RASEF: variants seen among roughly 807,000 people sequenced by gnomAD.
The protein encoded by RASEF is RAS and EF-hand domain containing.
In RASEF, 68 loss-of-function variants were observed where a neutral mutation model predicts 90.1. That is an observed-to-expected ratio of 0.75 (90% confidence interval 0.62 to 0.92). RASEF has a LOEUF of 0.92. Ranked by LOEUF, RASEF falls within the 40% of genes least tolerant of loss-of-function variation. The pLI, the probability that RASEF is intolerant of heterozygous loss-of-function variation, is 0.00. For synonymous variants in RASEF, 331 were observed against 345.2 expected (o/e 0.96, Z 0.46); for missense variants, 949 against 937.2 (o/e 1.01, Z -0.16).
chr9:83,024,776 G>C (rs113883081), intron 2 of RASEF, among the ~76,000 whole-genome samples: 4 of 152,280 alleles, frequency 2.6e-5, no homozygotes, highest in African/African-American at 7.2e-5. Context: ...ATGAACCAAA[G>C]GTTCAACTAG....
At chr9:83,158,631 TATATATGTATATATGTCCAAATATATAC>T in the RASEF span, among the ~76,000 whole-genome samples, 3 of 51,414 alleles carry the variant, frequency 5.8e-5, no homozygotes, top group African/African-American at 1.5e-4. Context: ...TGTACATATG[TATATATGTATATATGTCCAAATATATAC>T]ATATATGTAT....
At chr9:83,166,137 G>T in the RASEF span, among the ~76,000 whole-genome samples, 3 of 152,112 alleles carry the variant, frequency 2.0e-5, no homozygotes, top group Non-Finnish European at 4.4e-5. Context: ...AGAAGCAGAG[G>T]AAATTCTTTT....
chr9:82,985,736 C>T (rs969079793), intron 16 of RASEF, among the ~76,000 whole-genome samples: 3 of 151,938 alleles, frequency 2.0e-5, no homozygotes, highest in African/African-American at 7.3e-5. Flanking sequence ...AGGGAGAAAG[C>T]GAGAAAAATG....
chr9:83,144,442 A>G, the RASEF span, among the ~76,000 whole-genome samples: 10 of 147,198 alleles, frequency 6.8e-5, no homozygotes, highest in African/African-American at 2.1e-4. Context: ...AAGGAAAAGA[A>G]AAAAGAAAAG....
the RASEF span, among the ~76,000 whole-genome samples, chr9:83,080,432 T>C: frequency 6.6e-6 from 1 of 152,346 alleles, no homozygotes; most frequent in Middle Eastern, 3.4e-3. Flanking sequence ...CCCCAGGTGA[T>C]AGAGCCAGAT....
rs1353554538 is a variant in RASEF, at chr9:83,015,821, A to T, written c.749T>A (p.Ile250Asn). Reference protein sequence around the residue: ...ETEVGDLQVTIKKLRKLEEQS... With the variant: ...ETEVGDLQVTNKKLRKLEEQS... Reference sequence around the variant, plus strand: ...CATGCCTACCTTTCTTAGCTTTTTAATGGTCACCTGCAGATCTCCTACTTC... The same window carrying T: ...CATGCCTACCTTTCTTAGCTTTTTATTGGTCACCTGCAGATCTCCTACTTC... Residue 250 changes from isoleucine to asparagine, a missense_variant, in exon 4 of 17, where the codon ATT becomes AAT. By Grantham distance (149) the Ile-to-Asn change is moderately radical. Coordinates refer to ENST00000376447, the MANE Select transcript of RASEF (RefSeq NM_152573.4). 1.9e-6 allele frequency: 3 copies of T among 1,613,460 alleles called. No individual in the cohort carries two copies. The highest frequency in any genetic ancestry group is 2.2e-5 in the East Asian group (1 of 44,884).
chr9:83,130,493 T>C, the RASEF span, among the ~76,000 whole-genome samples: 3 of 145,852 alleles, frequency 2.1e-5, no homozygotes, highest in African/African-American at 5.2e-5. Context: ...GGACAAATCT[T>C]GTGTAATTTT....
chr9:83,019,039 C>A (rs1829396265), intron 3 of RASEF, among the ~76,000 whole-genome samples: 3 of 151,708 alleles, frequency 2.0e-5, no homozygotes, highest in Non-Finnish European at 1.5e-5. Context: ...AACAATAAAG[C>A]TTATAGAAGA....
At chr9:83,057,328 G>T (rs73471435) in intron 1 of RASEF, among the ~76,000 whole-genome samples, 1 of 152,116 alleles carries the variant, frequency 6.6e-6, no homozygotes, top group Non-Finnish European at 1.5e-5. Context: ...TTTGATAAAC[G>T]AATTCAGTTA....
intron 15 of RASEF, among the ~76,000 whole-genome samples, chr9:82,991,480 C>A (rs1828813621): frequency 6.6e-6 from 1 of 152,062 alleles, no homozygotes. Context: ...GTGTTGTGGG[C>A]CTAGGTGTGG....
chr9:83,213,096 A>ATT, the RASEF span, among the ~76,000 whole-genome samples: 19,210 of 150,958 alleles, frequency 0.13, 1,407 homozygotes, highest in East Asian at 0.19. Context: ...CACGTTTTAA[A>ATT]AAAAAAAAAA....
intron 16 of RASEF, among the ~76,000 whole-genome samples, chr9:82,983,693 G>A (rs1828661060): frequency 6.6e-6 from 1 of 152,206 alleles, no homozygotes; most frequent in South Asian, 2.1e-4. Flanking sequence ...AGAATATGGA[G>A]GAAATGGTAT....
chr9:83,128,375 C>T, the RASEF span, among the ~76,000 whole-genome samples: 2 of 151,942 alleles, frequency 1.3e-5, no homozygotes, highest in African/African-American at 4.8e-5. Context: ...TTGGTCCCCA[C>T]CCTTCACCTA....
At chr9:83,023,951 T>C (rs546448260) in intron 2 of RASEF, among the ~76,000 whole-genome samples, 1 of 152,324 alleles carries the variant, frequency 6.6e-6, no homozygotes, top group South Asian at 2.1e-4. Context: ...GCCCCAGCAA[T>C]TTCCAATTTC....
the RASEF span, among the ~76,000 whole-genome samples, chr9:83,091,308 C>A: frequency 3.3e-5 from 5 of 152,156 alleles, no homozygotes; most frequent in Non-Finnish European, 7.3e-5. Context: ...GATCCCAGCA[C>A]TTTGGAAGGC....
chr9:83,130,330 C>T, the RASEF span, among the ~76,000 whole-genome samples: 1 of 152,106 alleles, frequency 6.6e-6, no homozygotes. Flanking sequence ...AAACCTTTAG[C>T]CCCCACATGT....
Position 82,982,711 on chromosome 9 carries a change from T to A in RASEF, c.2189A>T (p.Lys730Met). The A allele has an allele frequency of 1.2e-6, 2 of 1,608,854 alleles. No individual in the cohort carries two copies. The highest frequency in any genetic ancestry group is 1.7e-5 in the Admixed American group (1 of 60,008). Residue 730 changes from lysine (K) to methionine (M), a missense_variant, in exon 17 of 17, where the codon AAG (lysine) becomes ATG (methionine). Lys to Met is a moderately conservative substitution (Grantham distance 95, BLOSUM62 -1). Around this residue, in one of 3 missense-constraint regions of RASEF, gnomAD observed 288 missense variants for 328.4 expected, o/e 0.88. Coordinates refer to ENST00000376447, the MANE Select transcript of RASEF (RefSeq NM_152573.4). ...ITNLTGTNSK[K>M]SPQMKNCCNG ...GCAACAATTCTTCATCTGTGGTGAC[T>A]TTTTGGAATTGGTCCCGGTTAGATT...
the RASEF span, among the ~76,000 whole-genome samples, chr9:83,164,201 T>G: frequency 2.0e-5 from 3 of 151,022 alleles, no homozygotes; most frequent in Non-Finnish European, 4.4e-5. Context: ...TCTATCTACA[T>G]AAAGAAAGGA....
At chr9:83,005,553 G>T in intron 7 of RASEF, 53 bp from the exon 8 acceptor site, 2 of 1,297,754 alleles carry the variant, frequency 1.5e-6, no homozygotes, top group South Asian at 1.2e-5. Flanking sequence ...ATCATTGGGG[G>T]TCACTGTCAT....
Sources: gnomAD v4.1 joint callset for allele counts (sites outside exome capture counted in the v4.1 genomes callset) on GRCh38, gnomAD v4.1.1 for gene constraint, gnomAD v4.1.1 regional missense constraint, MANE v1.5 for transcripts, NCBI Gene and HGNC (gene_info 2026-07-23, HGNC 2026-07-21) for gene names.